The following EFNA5 variants were observed in gnomAD, a reference collection of about 807,000 sequenced individuals.
EFNA5 encodes ephrin-A5.
A neutral mutation model predicts 22.9 loss-of-function variants in EFNA5; 5 were observed. The ratio of observed to expected loss-of-function variants is 0.22; its 90% CI spans 0.11 to 0.46. The LOEUF (loss-of-function observed/expected upper bound fraction) is 0.46. Among genes scored for constraint, EFNA5 ranks in the 20% least tolerant of loss-of-function variants. The pLI is 0.99. For missense variants in EFNA5, 237 were observed against 293.3 expected, an observed-to-expected ratio of 0.81 and a Z score of 1.40; for synonymous variants, 113 against 112.2, an observed-to-expected ratio of 1.01 and a Z score of -0.04.
intron 1 of EFNA5, among the ~76,000 whole-genome samples, chr5:107,665,780 C>G (rs937746847): frequency 1.3e-4 from 20 of 152,118 alleles, no homozygotes; most frequent in Admixed American, 8.5e-4. Flanking sequence ...GGAAAACTCA[C>G]CAAAAAACAG....
chr5:107,606,538 A>ACAC (rs1337614044), intron 1 of EFNA5, among the ~76,000 whole-genome samples: 1 of 144,082 alleles, frequency 6.9e-6, no homozygotes, highest in East Asian at 2.0e-4. Context: ...TTGCACGTAC[A>ACAC]ACACACACAC....
At chr5:107,381,503 G>A (rs1488414733) in intron 4 of EFNA5, 127 bp from the exon 5 acceptor site, 3 of 1,071,564 alleles carry the variant, frequency 2.8e-6, no homozygotes, top group Non-Finnish European at 3.8e-6. Context: ...TGCCACCATT[G>A]ACTTTCATGT....
chr5:107,540,316 G>T (rs1004983122), intron 1 of EFNA5, among the ~76,000 whole-genome samples: 4 of 152,120 alleles, frequency 2.6e-5, no homozygotes, highest in African/African-American at 9.7e-5. Context: ...GAGAATGCAT[G>T]ACAAAACCTG....
intron 2 of EFNA5, among the ~76,000 whole-genome samples, chr5:107,397,765 T>C (rs1251174128): frequency 6.6e-6 from 1 of 152,154 alleles, no homozygotes; most frequent in Non-Finnish European, 1.5e-5. Flanking sequence ...CTGTAGAAGA[T>C]GAAATTTTAC....
At chr5:107,532,668 T>C (rs146080471) in intron 1 of EFNA5, among the ~76,000 whole-genome samples, 2 of 152,318 alleles carry the variant, frequency 1.3e-5, no homozygotes, top group East Asian at 3.9e-4. Flanking sequence ...GTGGACCGAA[T>C]CTGAGTGAGG....
intron 1 of EFNA5, among the ~76,000 whole-genome samples, chr5:107,623,455 T>C (rs1251197480): frequency 6.6e-6 from 1 of 152,194 alleles, no homozygotes; most frequent in Admixed American, 6.5e-5. Flanking sequence ...ATAGAAAAAC[T>C]CTTTCTTTCC....
At chr5:107,478,631 A>G (rs1347446244) in intron 1 of EFNA5, among the ~76,000 whole-genome samples, 1 of 152,224 alleles carries the variant, frequency 6.6e-6, no homozygotes, top group African/African-American at 2.4e-5. Context: ...ACTTCTAGAC[A>G]GCATGTAAAA....
At chr5:107,444,351 T>C (rs1436408369) in intron 1 of EFNA5, among the ~76,000 whole-genome samples, 1 of 152,260 alleles carries the variant, frequency 6.6e-6, no homozygotes, top group African/African-American at 2.4e-5. Flanking sequence ...TCTCATCCCC[T>C]GTACTCCATT....
intron 2 of EFNA5, among the ~76,000 whole-genome samples, chr5:107,425,769 C>G (rs189280541): frequency 7.9e-4 from 121 of 152,264 alleles, no homozygotes; most frequent in African/African-American, 2.5e-3. Context: ...ATGGTGAAAT[C>G]TGACTTATTA....
chr5:107,634,472 C>T (rs375673801), intron 1 of EFNA5, among the ~76,000 whole-genome samples: 1 of 112,612 alleles, frequency 8.9e-6, no homozygotes, highest in East Asian at 2.5e-4. Flanking sequence ...GCTATGATGG[C>T]GCCACTGCAC....
chr5:107,446,760 T>A (rs1482287663), intron 1 of EFNA5, among the ~76,000 whole-genome samples: 1 of 151,456 alleles, frequency 6.6e-6, no homozygotes, highest in Admixed American at 6.6e-5. Flanking sequence ...ATAAAAAACT[T>A]AAAAAAATAA....
intron 1 of EFNA5, among the ~76,000 whole-genome samples, chr5:107,457,957 CAA>C (rs896788474): frequency 3.3e-5 from 5 of 152,238 alleles, no homozygotes; most frequent in African/African-American, 7.2e-5. Flanking sequence ...TAGTAACAGA[CAA>C]AGAGAGATTT....
At chr5:107,595,698 GGA>G (rs1749459803) in intron 1 of EFNA5, among the ~76,000 whole-genome samples, 2 of 152,094 alleles carry the variant, frequency 1.3e-5, no homozygotes, top group African/African-American at 4.8e-5. Context: ...TGTCCACAAG[GGA>G]TTAGAAGCCC....
chr5:107,554,058 T>C (rs906878692), intron 1 of EFNA5, among the ~76,000 whole-genome samples: 3 of 152,184 alleles, frequency 2.0e-5, no homozygotes, highest in Non-Finnish European at 4.4e-5. Context: ...CTTTGAAAAA[T>C]AGAATAATTT....
intron 1 of EFNA5, among the ~76,000 whole-genome samples, chr5:107,617,760 G>C (rs1580562797): frequency 6.6e-6 from 1 of 152,152 alleles, no homozygotes; most frequent in Non-Finnish European, 1.5e-5. Flanking sequence ...GTTGCGGCTA[G>C]AGTGAAATTC....
In EFNA5 at chr5:107,427,235, G is replaced by C. The variant is rs142282920; in HGVS notation, c.400C>G (p.Arg134Gly). The C allele has an allele frequency of 1.1e-5, 18 of 1,613,826 alleles. No homozygotes were observed. Among genetic ancestry groups the C allele is most frequent in the Non-Finnish European group, 1.4e-5 (17 of 1,179,984 alleles). The change falls in exon 2 of 5, where the codon CGA becomes GGA. Residue 134 changes from arginine to glycine, a missense_variant. Around this residue, in one of 3 missense-constraint regions of EFNA5, gnomAD observed 13 missense variants for 38.3 expected, o/e 0.34. Coordinates refer to ENST00000333274, the MANE Select transcript of EFNA5 (RefSeq NM_001962.3). The part of the protein sequence containing the change: ...FSLGFEFRPG[R>G]EYFYISSAIP... Reference sequence around the variant, plus strand: ...TACTCACAGATGTAGAAATATTCTCGGCCTGGCCTGAATTCAAATCCTAGA... The same window carrying C: ...TACTCACAGATGTAGAAATATTCTCCGCCTGGCCTGAATTCAAATCCTAGA...
intron 2 of EFNA5, among the ~76,000 whole-genome samples, chr5:107,416,694 G>A (rs1465655608): frequency 6.6e-6 from 1 of 152,178 alleles, no homozygotes; most frequent in African/African-American, 2.4e-5. Context: ...AATCATTGCA[G>A]TATTCATCAT....
chr5:107,531,740 T>A (rs919946351), intron 1 of EFNA5, among the ~76,000 whole-genome samples: 1 of 152,192 alleles, frequency 6.6e-6, no homozygotes, highest in Admixed American at 6.5e-5. Flanking sequence ...AGGCATTCTC[T>A]CCTTGCCTTT....
chr5:107,537,103 CAAAGA>C (rs1747946493), intron 1 of EFNA5, among the ~76,000 whole-genome samples: 1 of 127,256 alleles, frequency 7.9e-6, no homozygotes, highest in Non-Finnish European at 1.6e-5. Flanking sequence ...GACTCCGCCT[CAAAGA>C]AAAAAAAAAA....
Sources: gnomAD v4.1 joint callset for allele counts (sites outside exome capture counted in the v4.1 genomes callset) on GRCh38, gnomAD v4.1.1 for gene constraint, gnomAD v4.1.1 regional missense constraint, MANE v1.5 for transcripts, NCBI Gene and HGNC (gene_info 2026-07-23, HGNC 2026-07-21) for gene names.